CLSTN1: variants seen among roughly 807,000 people sequenced by gnomAD.
CLSTN1 encodes calsyntenin 1.
CLSTN1 carries 28 observed loss-of-function variants against 108.3 expected under a neutral mutation model. That is an observed-to-expected ratio of 0.26 (90% CI 0.19 to 0.35). CLSTN1 has a LOEUF of 0.35. Ranked by LOEUF, CLSTN1 falls within the 10% of genes least tolerant of loss-of-function variation. The probability of loss-of-function intolerance (pLI) is 1.00; values close to 1 mark genes in which losing one functional copy is unlikely to be tolerated. For synonymous variants in CLSTN1, 524 were observed against 534.9 expected (o/e 0.98, Z 0.28); for missense variants, 1,157 against 1,302.6 (o/e 0.89, Z 1.72).
At chr1:9,774,819 A>AG (rs1250738069) in intron 1 of CLSTN1, among the ~76,000 whole-genome samples, 1 of 152,118 alleles carries the variant, frequency 6.6e-6, no homozygotes, top group East Asian at 1.9e-4. Flanking sequence ...AGCAGCCCTG[A>AG]GGGCTGCTGG....
At chr1:9,793,423 T>G (rs1403897675) in intron 1 of CLSTN1, among the ~76,000 whole-genome samples, 1 of 151,474 alleles carries the variant, frequency 6.6e-6, no homozygotes, top group Admixed American at 6.7e-5. Flanking sequence ...GGCAAGATTT[T>G]CTAGACAACC....
chr1:9,732,031 C>CT, intron 16 of CLSTN1, 135 bp from the exon 17 acceptor site: 1 of 859,546 alleles, frequency 1.2e-6, no homozygotes, highest in South Asian at 2.0e-5. Context: ...GCAAACGGAG[C>CT]TACGGGAAAA....
intron 10 of CLSTN1, among the ~76,000 whole-genome samples, chr1:9,740,883 T>G (rs1387015738): frequency 3.9e-5 from 6 of 152,156 alleles, no homozygotes; most frequent in Non-Finnish European, 7.4e-5. Flanking sequence ...GTCAGTCCTA[T>G]CACCTTTATG....
chr1:9,749,944 C>CA (rs758114026), intron 5 of CLSTN1, 31 bp from the exon 6 acceptor site: 1 of 1,600,788 alleles, frequency 6.2e-7, no homozygotes, highest in Admixed American at 1.7e-5. Context: ...CAGTGAGAGC[C>CA]AAAACCCATG....
At chr1:9,800,767 G>C (rs1405205980) in intron 1 of CLSTN1, among the ~76,000 whole-genome samples, 1 of 146,272 alleles carries the variant, frequency 6.8e-6, no homozygotes, top group East Asian at 2.0e-4. Context: ...AAATAAATAA[G>C]AAAAAAAAAT....
At chr1:9,758,140 T>C (rs747995238) in intron 2 of CLSTN1, among the ~76,000 whole-genome samples, 54 of 151,666 alleles carry the variant, frequency 3.6e-4, no homozygotes, top group Admixed American at 2.2e-3. Flanking sequence ...ATTACAGGCA[T>C]GCACCACCAT....
chr1:9,730,058 A>C lies in CLSTN1; in HGVS notation c.*450T>G, dbSNP rs1650263650. ...TCTACACAGTACCCCCCATCCTGCC[A>C]TTATTTATACATGCACTAGTTTGGA... On this transcript the variant is annotated 3_prime_UTR_variant, in exon 19 of 19. Transcript: ENST00000377298. The surrounding 1 kb of genome is among the most constrained non-coding windows in gnomAD (Gnocchi z 5.6). 1 of 193,020 alleles carries C rather than the reference A, an allele frequency of 5.2e-6. No homozygotes were observed. The highest frequency in any genetic ancestry group is 1.1e-5 in the Non-Finnish European group (1 of 90,302). The allele number at this position is 193,020 out of a possible 1,614,324, so 12.0% of individuals were successfully genotyped here.
chr1:9,734,979 C>T lies in CLSTN1; in HGVS notation c.2079G>A (p.Glu693=), dbSNP rs778676451. 10 of 1,614,208 alleles carry T rather than the reference C, an allele frequency of 6.2e-6. No homozygotes were observed. The highest frequency in any genetic ancestry group is 3.3e-4 in the Middle Eastern group (2 of 6,062). ...GGTCCTCAGCCCCGTCCCCTTCAGG[C>T]TCCACTTCTCTCGTGATGGTGCTGA... is the stretch of plus-strand genomic sequence containing the variant. ...RIISTITREV[E]PEGDGAEDPT... Residue 693 remains glutamate, a synonymous_variant, in exon 14 of 19, where the codon GAG becomes GAA. Coordinates refer to ENST00000377298, the MANE Select transcript of CLSTN1 (RefSeq NM_001009566.3). The surrounding 1 kb of genome is among the most constrained non-coding windows in gnomAD (Gnocchi z 4.8).
chr1:9,817,836 G>A (rs920946079), intron 1 of CLSTN1, among the ~76,000 whole-genome samples: 1 of 151,994 alleles, frequency 6.6e-6, no homozygotes, highest in African/African-American at 2.4e-5. Flanking sequence ...TCAAATCAGG[G>A]ACAACTGAAA....
intron 1 of CLSTN1, among the ~76,000 whole-genome samples, chr1:9,780,499 G>GT (rs1396025961): frequency 1.3e-5 from 2 of 152,170 alleles, no homozygotes; most frequent in African/African-American, 4.8e-5. Flanking sequence ...AAATAACTGT[G>GT]TAACTATGTT....
intron 1 of CLSTN1, among the ~76,000 whole-genome samples, chr1:9,814,227 T>C (rs1188459184): frequency 7.1e-6 from 1 of 141,714 alleles, no homozygotes; most frequent in Non-Finnish European, 1.5e-5. Context: ...CTGGGCAATA[T>C]GGTAAAACCC....
chr1:9,741,047 G>A (rs757021673), intron 10 of CLSTN1, 47 bp downstream of exon 10: 16 of 1,589,980 alleles, frequency 1.0e-5, no homozygotes, highest in Non-Finnish European at 8.6e-7. Flanking sequence ...CTAGTAAAGA[G>A]GTACAACTTA....
intron 3 of CLSTN1, among the ~76,000 whole-genome samples, chr1:9,755,993 G>C (rs115266624): frequency 6.6e-6 from 1 of 152,104 alleles, no homozygotes; most frequent in African/African-American, 2.4e-5. Flanking sequence ...CCTTTGTTTC[G>C]GACTTTATCC....
At chr1:9,748,628 C>T (rs1651398466) in intron 7 of CLSTN1, among the ~76,000 whole-genome samples, 1 of 152,182 alleles carries the variant, frequency 6.6e-6, no homozygotes, top group Non-Finnish European at 1.5e-5. Context: ...GTTGGGACTA[C>T]AGGCGTGCAC....
At chr1:9,778,223 A>AACACACACACACACACACACACAC (rs57372437) in intron 1 of CLSTN1, among the ~76,000 whole-genome samples, 1 of 134,430 alleles carries the variant, frequency 7.4e-6, no homozygotes, top group African/African-American at 2.8e-5. Context: ...TCTCCTCCCC[A>AACACACACACACACACACACACAC]ACACACACAC....
chr1:9,796,483 T>C (rs981174103), intron 1 of CLSTN1, among the ~76,000 whole-genome samples: 3 of 147,000 alleles, frequency 2.0e-5, no homozygotes, highest in East Asian at 2.1e-4. Context: ...GAGACCATCC[T>C]GGCTAACACA....
intron 1 of CLSTN1, among the ~76,000 whole-genome samples, chr1:9,802,612 T>C (rs1452206428): frequency 1.3e-5 from 2 of 152,152 alleles, no homozygotes; most frequent in African/African-American, 4.8e-5. Context: ...ATATTTTCTA[T>C]TATAGGGAAA....
intron 1 of CLSTN1, among the ~76,000 whole-genome samples, chr1:9,779,591 A>C (rs575513597): frequency 5.9e-5 from 9 of 152,240 alleles, no homozygotes; most frequent in Non-Finnish European, 1.2e-4. Context: ...CAAAAAACAA[A>C]AAAAAAAGTT....
rs116523001 is a variant in CLSTN1 at position 9,757,205 on chromosome 1, C to T, written c.215-695G>A. 6.2e-3 allele frequency among the ~76,000 whole-genome samples: 946 copies of T among 151,738 alleles called. 13 individuals carry two copies. The highest frequency in any genetic ancestry group is 0.022 in the African/African-American group (895 of 41,422). On this transcript the variant is annotated intron_variant, in intron 2 of 18. Transcript: ENST00000377298. Reference sequence around the variant, plus strand: ...AGCTAGATTCTGGTAACATTCAACTCATCAGTAGATTTAATGAAACAAAAA... The same window carrying T: ...AGCTAGATTCTGGTAACATTCAACTTATCAGTAGATTTAATGAAACAAAAA...
Sources: gnomAD v4.1 joint callset for allele counts (sites outside exome capture counted in the v4.1 genomes callset) on GRCh38, gnomAD v4.1.1 for gene constraint, Gnocchi (gnomAD v3.1) non-coding constraint, MANE v1.5 for transcripts, NCBI Gene and HGNC (gene_info 2026-07-23, HGNC 2026-07-21) for gene names.